RAB6A: variants seen among roughly 807,000 people sequenced by gnomAD.
RAB6A encodes ras-related protein Rab-6A.
In RAB6A, 8 loss-of-function variants were observed where a neutral mutation model predicts 32.3. That is an observed-to-expected ratio of 0.25 (90% CI 0.15 to 0.45). The LOEUF (loss-of-function observed/expected upper bound fraction) is 0.45, where lower values mean the gene tolerates loss of function less well. Among genes scored for constraint, RAB6A ranks in the 20% least tolerant of loss-of-function variants. The pLI is 1.00. For synonymous variants in RAB6A, 73 were observed against 82.1 expected (o/e 0.89, Z 0.60); for missense variants, 104 against 249.4 (o/e 0.42, Z 3.93).
intron 1 of RAB6A, among the ~76,000 whole-genome samples, chr11:73,740,608 G>A (rs950036318): frequency 5.3e-5 from 8 of 150,764 alleles, no homozygotes; most frequent in African/African-American, 1.9e-4. Context: ...AAACTAGCTG[G>A]CCAGGAGCAG....
chr11:73,704,198 A>C (rs755844249), intron 6 of RAB6A: 42 of 440,220 alleles, frequency 9.5e-5, no homozygotes, highest in South Asian at 6.4e-4. Context: ...CCTGGGCAAC[A>C]TGGCAAGAAC....
chr11:73,689,535 T>C (rs1945512008), intron 6 of RAB6A, among the ~76,000 whole-genome samples: 1 of 152,170 alleles, frequency 6.6e-6, no homozygotes, highest in Non-Finnish European at 1.5e-5. Flanking sequence ...CGTAATAACC[T>C]TGGTCTCCAC....
chr11:73,718,652 G>A lies in RAB6A; in HGVS notation c.250C>T (p.Arg84Cys). 1.9e-6 allele frequency: 3 copies of A among 1,614,052 alleles called. No homozygotes were observed. Among genetic ancestry groups the A allele is most frequent in the Non-Finnish European group, 2.5e-6 (3 of 1,179,982 alleles). ...ACAACAACTGCCACAGTGGAGTCAC[G>A]AATGTAGCTAGGAATCAAGCTCCTG... ...RFRSLIPSYI[R>C]DSTVAVVVYD... The change falls in exon 4 of 8, where the codon CGT (arginine) becomes TGT (cysteine). Residue 84 changes from arginine to cysteine, a missense_variant. Around this residue, in one of 4 missense-constraint regions of RAB6A, gnomAD observed 48 missense variants for 155.2 expected, o/e 0.31. Coordinates refer to ENST00000336083, the MANE Select transcript of RAB6A (RefSeq NM_198896.2).
chr11:73,700,609 T>TGGGGGGGGGG (rs59223959), intron 6 of RAB6A, among the ~76,000 whole-genome samples: 5 of 28,614 alleles, frequency 1.7e-4, no homozygotes, highest in African/African-American at 4.1e-4. Context: ...AGTGTGTGTG[T>TGGGGGGGGGG]GGGGGGGGGG....
chr11:73,691,290 G>T (rs1945557475), intron 6 of RAB6A, among the ~76,000 whole-genome samples: 1 of 152,168 alleles, frequency 6.6e-6, no homozygotes, highest in Non-Finnish European at 1.5e-5. Flanking sequence ...GACGCCTTTT[G>T]CTTTCTCCTG....
chr11:73,754,079 G>A (rs1242742237), intron 1 of RAB6A, among the ~76,000 whole-genome samples: 2 of 152,148 alleles, frequency 1.3e-5, no homozygotes. Context: ...TTATGTTATA[G>A]ATAAGGAAAA....
chr11:73,716,291 T>G lies in RAB6A; in HGVS notation c.361A>C (p.Ile121Leu). The change falls in exon 5 of 8, where the codon ATC becomes CTC. Residue 121 changes from isoleucine (I) to leucine (L), a missense_variant. Around this residue, in one of 4 missense-constraint regions of RAB6A, gnomAD observed 48 missense variants for 155.2 expected, o/e 0.31. Coordinates refer to ENST00000336083, the MANE Select transcript of RAB6A (RefSeq NM_198896.2). The stretch of plus-strand genomic sequence containing the variant: ...TCTGTTTTATTTCCTACTAGCATGA[T>G]GATAACATCACTTCCTCTTTCTGTT... ...VRTERGSDVI[I>L]MLVGNKTDLA... The G allele has an allele frequency of 6.2e-7, 1 of 1,613,512 alleles. No individual in the cohort carries two copies. Among genetic ancestry groups the G allele is most frequent in the Non-Finnish European group, 8.5e-7 (1 of 1,179,464 alleles).
intron 6 of RAB6A, among the ~76,000 whole-genome samples, chr11:73,680,603 G>A (rs1411696584): frequency 6.6e-6 from 1 of 151,790 alleles, no homozygotes; most frequent in Non-Finnish European, 1.5e-5. Context: ...AGTGAGCCAA[G>A]ATCACGCCAC....
chr11:73,702,127 C>T (rs551671455), intron 6 of RAB6A, among the ~76,000 whole-genome samples: 94 of 152,264 alleles, frequency 6.2e-4, no homozygotes, highest in African/African-American at 1.2e-3. Flanking sequence ...TCTCAGTTAT[C>T]GACAGAACTG....
chr11:73,760,513 C>T, intron 1 of RAB6A, 53 bp downstream of exon 1: 3 of 1,542,310 alleles, frequency 1.9e-6, no homozygotes, highest in African/African-American at 2.7e-5. Context: ...GCACCGGGGG[C>T]GGTGCGGGGA....
chr11:73,682,751 C>CCTCCT (rs1447459447), intron 6 of RAB6A, among the ~76,000 whole-genome samples: 1 of 152,116 alleles, frequency 6.6e-6, no homozygotes, highest in East Asian at 1.9e-4. Flanking sequence ...GCAGCCTTGA[C>CCTCCT]CTCCTGGGCT....
At chr11:73,702,777 T>A (rs545226366) in intron 6 of RAB6A, among the ~76,000 whole-genome samples, 2 of 152,280 alleles carry the variant, frequency 1.3e-5, no homozygotes, top group Admixed American at 6.5e-5. Flanking sequence ...TAAATACATT[T>A]ACCAAAACTC....
At position 73,718,736 on chromosome 11, in the gene RAB6A, C is replaced by CA. The variant is rs1565362766; in HGVS notation, c.184-19dup. 2.5e-6 allele frequency: 4 copies of CA among 1,613,858 alleles called. No homozygotes were observed. The highest frequency in any genetic ancestry group is 3.4e-6 in the Non-Finnish European group (4 of 1,179,870). ...AATCGTACCTAACAACAAAATCAGT[C>CA]AAACAAGCAAGAAAAATAAGAAAGG... On this transcript the variant is annotated intron_variant, in intron 3 of 7. Coordinates refer to ENST00000336083, the MANE Select transcript of RAB6A (RefSeq NM_198896.2).
At chr11:73,755,760 G>C (rs1273746780) in intron 1 of RAB6A, among the ~76,000 whole-genome samples, 1 of 150,402 alleles carries the variant, frequency 6.6e-6, no homozygotes, top group Admixed American at 6.6e-5. Context: ...AAGGAAATGG[G>C]AAGAGGAAAG....
chr11:73,713,142 T>C (rs1201090534), intron 5 of RAB6A, among the ~76,000 whole-genome samples: 1 of 152,244 alleles, frequency 6.6e-6, no homozygotes, highest in Admixed American at 6.5e-5. Flanking sequence ...CACTTCAGTG[T>C]GACTACTTGT....
In RAB6A at chr11:73,716,290, A is replaced by T; in HGVS notation, c.362T>A (p.Ile121Asn). The T allele has an allele frequency of 6.2e-7, 1 of 1,613,508 alleles. No individual in the cohort carries two copies. The highest frequency in any genetic ancestry group is 8.5e-7 in the Non-Finnish European group (1 of 1,179,436). The change falls in exon 5 of 8, where the codon ATC (isoleucine) becomes AAC (asparagine). Residue 121 changes from isoleucine to asparagine, a missense_variant. Ile to Asn is a moderately radical substitution (Grantham distance 149, BLOSUM62 -3). Coordinates refer to ENST00000336083, the MANE Select transcript of RAB6A (RefSeq NM_198896.2). ...ATCTGTTTTATTTCCTACTAGCATG[A>T]TGATAACATCACTTCCTCTTTCTGT... ...VRTERGSDVI[I>N]MLVGNKTDLA...
rs1363284945 is a variant in RAB6A at position 73,682,011 on chromosome 11, T to C, written c.496-2291A>G. 3.9e-5 allele frequency among the ~76,000 whole-genome samples: 6 copies of C among 152,148 alleles called. No homozygotes were observed. The East Asian group carries it at 9.6e-4, about 24-fold the overall frequency. On this transcript the variant is annotated intron_variant, in intron 6 of 7. Coordinates refer to ENST00000336083, the MANE Select transcript of RAB6A (RefSeq NM_198896.2). Reference sequence around the variant, plus strand: ...TTCAATCCACATCAGCTGTAAGACTTTGAATTGCGGAACACTTACCTTAAC... The same window carrying C: ...TTCAATCCACATCAGCTGTAAGACTCTGAATTGCGGAACACTTACCTTAAC...
chr11:73,760,148 G>A, intron 1 of RAB6A: 5 of 1,279,808 alleles, frequency 3.9e-6, no homozygotes, highest in Non-Finnish European at 5.1e-6. Flanking sequence ...GCTCTCGGGA[G>A]TGGGGCTTCC....
intron 1 of RAB6A, among the ~76,000 whole-genome samples, chr11:73,755,853 GGAGGAGGAGGAAGAAGAACAA>G (rs1326800169): frequency 3.7e-5 from 4 of 109,358 alleles, no homozygotes; most frequent in Admixed American, 3.1e-4. Flanking sequence ...AGAAAGAAGA[GGAGGAGGAGGAAGAAGAACAA>G]GAGGAGGAGG....
Sources: gnomAD v4.1 joint callset for allele counts (sites outside exome capture counted in the v4.1 genomes callset) on GRCh38, gnomAD v4.1.1 for gene constraint, gnomAD v4.1.1 regional missense constraint, MANE v1.5 for transcripts, NCBI Gene and HGNC (gene_info 2026-07-23, HGNC 2026-07-21) for gene names.